Variants in SCAF4 observed in about 807,000 individuals in gnomAD.
The protein encoded by SCAF4 is SR-related and CTD-associated factor 4.
A neutral mutation model predicts 129.8 loss-of-function variants in SCAF4; 25 were observed. That is an observed-to-expected ratio of 0.19 (90% CI 0.14 to 0.27). The LOEUF is 0.27. Ranked by LOEUF, SCAF4 falls within the 10% of genes least tolerant of loss-of-function variation. The pLI is 1.00. For missense variants in SCAF4, 1,246 were observed against 1,457.1 expected, an observed-to-expected ratio of 0.86 and a Z score of 2.36; for synonymous variants, 551 against 497.7, an observed-to-expected ratio of 1.11 and a Z score of -1.43.
chr21:31,731,721 G>A lies in SCAF4; in HGVS notation c.-29C>T. The A allele has an allele frequency of 6.4e-7, 1 of 1,573,364 alleles. No homozygotes were observed. Among genetic ancestry groups the A allele is most frequent in the Non-Finnish European group, 8.6e-7 (1 of 1,166,978 alleles). On this transcript the variant is annotated 5_prime_UTR_variant, in exon 1 of 20. Transcript: ENST00000286835. The stretch of plus-strand genomic sequence containing the variant: ...CGCGCTGCGGCGGCGGCTGCTCCGG[G>A]CCCGCCGGTCACATAGACCTCGCGC...
At chr21:31,680,988 T>C (rs909829860) in intron 19 of SCAF4, among the ~76,000 whole-genome samples, 9 of 152,194 alleles carry the variant, frequency 5.9e-5, no homozygotes. Flanking sequence ...TTTCCTGAGG[T>C]GTCCAAATCT....
intron 1 of SCAF4, among the ~76,000 whole-genome samples, chr21:31,717,864 C>T (rs1370782006): frequency 1.4e-4 from 17 of 122,034 alleles, no homozygotes; most frequent in South Asian, 4.9e-4. Flanking sequence ...CACACACACA[C>T]ACACACATAT....
At chr21:31,689,324 GT>G (rs2050202732) in intron 15 of SCAF4, among the ~76,000 whole-genome samples, 4 of 151,426 alleles carry the variant, frequency 2.6e-5, no homozygotes, top group Admixed American at 2.6e-4. Flanking sequence ...TTGAGACAGA[GT>G]CTTGCTCTGT....
chr21:31,671,613 C>T lies in SCAF4; in HGVS notation c.3230G>A (p.Gly1077Glu), dbSNP rs1341666355. Residue 1077 changes from glycine (G) to glutamate (E), a missense_variant, in exon 20 of 20, where the codon GGA (glycine) becomes GAA (glutamate). Around this residue, in one of 6 missense-constraint regions of SCAF4, gnomAD observed 339 missense variants for 325.0 expected, o/e 1.04. Transcript: ENST00000286835. ...GTCTGTCACCTCAGGCTTTTCCTTT[C>T]CTCGGGCTTCTTCCTTCTCTCTACG... ...ESRREKEEAR[G>E]KEKPEVTDRA... 1 of 1,614,158 alleles carries T rather than the reference C, an allele frequency of 6.2e-7. No individual in the cohort carries two copies. The highest frequency in any genetic ancestry group is 8.5e-7 in the Non-Finnish European group (1 of 1,180,042).
chr21:31,716,095 G>A (rs953087106), intron 1 of SCAF4, among the ~76,000 whole-genome samples: 1 of 152,042 alleles, frequency 6.6e-6, no homozygotes, highest in Non-Finnish European at 1.5e-5. Flanking sequence ...ATAAGAATTA[G>A]AAGACTATAT....
chr21:31,711,883 C>A (rs144879686), intron 1 of SCAF4, among the ~76,000 whole-genome samples: 1 of 151,928 alleles, frequency 6.6e-6, no homozygotes, highest in African/African-American at 2.4e-5. Context: ...AAGTTAGAGG[C>A]GATATAAATT....
intron 1 of SCAF4, among the ~76,000 whole-genome samples, chr21:31,725,877 A>G (rs1372970682): frequency 6.6e-6 from 1 of 152,186 alleles, no homozygotes; most frequent in Non-Finnish European, 1.5e-5. Flanking sequence ...TTGTTTTAGA[A>G]ACGTTACTTT....
intron 3 of SCAF4, among the ~76,000 whole-genome samples, 198 bp from the exon 4 acceptor site, chr21:31,704,124 AC>A (rs528109380): frequency 5.1e-4 from 78 of 152,084 alleles, no homozygotes; most frequent in African/African-American, 1.9e-3. Context: ...TTCTCTTGAT[AC>A]TACTGACCCC....
At chr21:31,679,778 T>G (rs2049953830) in intron 19 of SCAF4, among the ~76,000 whole-genome samples, 1 of 152,194 alleles carries the variant, frequency 6.6e-6, no homozygotes, top group Non-Finnish European at 1.5e-5. Flanking sequence ...ATGATTACCT[T>G]TTTTAAATGC....
chr21:31,721,100 TC>T (rs2051056110), intron 1 of SCAF4, among the ~76,000 whole-genome samples: 1 of 152,228 alleles, frequency 6.6e-6, no homozygotes, highest in African/African-American at 2.4e-5. Context: ...AGTATTTTCA[TC>T]ACCCCCAAAA....
chr21:31,716,023 C>T (rs2050912757), intron 1 of SCAF4, among the ~76,000 whole-genome samples: 1 of 151,856 alleles, frequency 6.6e-6, no homozygotes, highest in South Asian at 2.1e-4. Context: ...GTAAACTGGC[C>T]CAGAGTCTAC....
chr21:31,691,972 GA>G, intron 13 of SCAF4, 42 bp from the exon 14 acceptor site: 1 of 1,092,358 alleles, frequency 9.2e-7, no homozygotes, highest in Non-Finnish European at 1.4e-6. Flanking sequence ...TAACAAAATT[GA>G]AAAGCAACAA....
intron 7 of SCAF4, chr21:31,700,691 G>C: frequency 2.7e-6 from 1 of 377,358 alleles, no homozygotes; most frequent in Non-Finnish European, 4.9e-6. Flanking sequence ...TAATCCCCAA[G>C]TATTGGGGTT....
intron 1 of SCAF4, among the ~76,000 whole-genome samples, chr21:31,710,289 C>T (rs559560947): frequency 2.5e-4 from 38 of 152,068 alleles, no homozygotes; most frequent in Non-Finnish European, 3.1e-4. Context: ...TGGCTCACAC[C>T]TGTAATCCCA....
In SCAF4 at chr21:31,696,723, C is replaced by G. The variant is rs1174611166; in HGVS notation, c.805G>C (p.Asp269His). 1.9e-6 allele frequency: 3 copies of G among 1,612,146 alleles called. No individual in the cohort carries two copies. Among genetic ancestry groups the G allele is most frequent in the Non-Finnish European group, 2.5e-6 (3 of 1,179,022 alleles). Reference sequence around the variant, plus strand: ...GATTCTTCCACAGCTTCTGGCTCATCATCATAGTCAAATCTATCAAGCAAC... The same window carrying G: ...GATTCTTCCACAGCTTCTGGCTCATGATCATAGTCAAATCTATCAAGCAAC... ...KKLLDRFDYD[D>H]EPEAVEESKK... The change falls in exon 8 of 20, where the codon GAT becomes CAT. Residue 269 changes from aspartate (D) to histidine (H), a missense_variant. Asp to His is a moderately conservative substitution (Grantham distance 81). Transcript: ENST00000286835.
At chr21:31,705,351 G>A (rs893075594) in intron 3 of SCAF4, 72 bp downstream of exon 3, 6 of 712,188 alleles carry the variant, frequency 8.4e-6, no homozygotes, top group East Asian at 3.1e-5. Flanking sequence ...AACAAGCATT[G>A]AGATTAAAAT....
intron 1 of SCAF4, among the ~76,000 whole-genome samples, chr21:31,709,350 C>CAAA (rs376581889): frequency 0.12 from 14,357 of 117,374 alleles, 1,158 homozygotes; most frequent in East Asian, 0.5. Context: ...CTGAAACTGT[C>CAAA]AAAAAAAAAA....
chr21:31,681,363 CA>C (rs1470043332), intron 19 of SCAF4, among the ~76,000 whole-genome samples: 5 of 152,184 alleles, frequency 3.3e-5, no homozygotes, highest in South Asian at 2.1e-4. Context: ...CACAAACAAA[CA>C]TTTTTTTGTG....
intron 15 of SCAF4, among the ~76,000 whole-genome samples, chr21:31,690,134 T>C (rs2050224506): frequency 6.6e-6 from 1 of 152,194 alleles, no homozygotes; most frequent in African/African-American, 2.4e-5. Flanking sequence ...TTACTTTAGA[T>C]TGCTTCTCTG....
Sources: allele counts gnomAD v4.1 joint callset (sites outside exome capture counted in the v4.1 genomes callset), GRCh38; gene constraint gnomAD v4.1.1; regional missense constraint gnomAD v4.1.1; transcripts MANE v1.5; gene names NCBI Gene and HGNC (gene_info 2026-07-23, HGNC 2026-07-21).